Variants in CREB3L1 observed in about 807,000 individuals in gnomAD.
The protein encoded by CREB3L1 is cAMP responsive element binding protein 3 like 1.
CREB3L1 carries 33 observed loss-of-function variants against 54.5 expected under a neutral mutation model. That is an observed-to-expected ratio of 0.61 (90% CI 0.46 to 0.81). The LOEUF (loss-of-function observed/expected upper bound fraction) is 0.81. CREB3L1 is among the 30% of genes least tolerant of loss of function. The probability of loss-of-function intolerance (pLI) is 0.00; values close to 1 mark genes in which losing one functional copy is unlikely to be tolerated. For missense variants in CREB3L1, 656 were observed against 673.3 expected (o/e 0.97, Z 0.29); for synonymous variants, 284 against 286.4 (o/e 0.99, Z 0.08).
In CREB3L1 at chr11:46,295,805, G is replaced by T. The variant is rs957624021; in HGVS notation, c.103-4130G>T. Reference sequence around the variant, plus strand: ...CGGATCCTTCTCTAAAATTTAAAGGGCGGGCGGCTGAGGCCAGGCTCCAAG... The same window carrying T: ...CGGATCCTTCTCTAAAATTTAAAGGTCGGGCGGCTGAGGCCAGGCTCCAAG... On this transcript the variant is annotated intron_variant, in intron 1 of 11. Coordinates refer to ENST00000621158, the MANE Select transcript of CREB3L1 (RefSeq NM_052854.4). This position sits in a 1 kb window ranked among gnomAD's most constrained non-coding sequence, Gnocchi z 4.6. Among the ~76,000 whole-genome samples, 2 of 152,214 alleles carry T rather than the reference G, an allele frequency of 1.3e-5. No homozygotes were observed. The highest frequency in any genetic ancestry group is 2.9e-5 in the Non-Finnish European group (2 of 68,032).
At chr11:46,304,310 TA>T (rs1939345651) in intron 2 of CREB3L1, among the ~76,000 whole-genome samples, 1 of 151,982 alleles carries the variant, frequency 6.6e-6, no homozygotes, top group Non-Finnish European at 1.5e-5. Context: ...CCGTCTCTAC[TA>T]AAAATACAAA....
At chr11:46,306,775 C>CTT (rs796296141) in intron 2 of CREB3L1, among the ~76,000 whole-genome samples, 2,741 of 144,446 alleles carry the variant, frequency 0.019, 90 homozygotes, top group African/African-American at 0.065. Context: ...AACACTTACT[C>CTT]TTTTTTTTTT....
intron 3 of CREB3L1, 57 bp from the exon 4 acceptor site, chr11:46,309,932 G>C: frequency 7.1e-7 from 1 of 1,399,206 alleles, no homozygotes; most frequent in Non-Finnish European, 9.9e-7. Context: ...TGGGTAGATG[G>C]CATGGTGGGG....
intron 1 of CREB3L1, among the ~76,000 whole-genome samples, chr11:46,280,095 A>T: frequency 6.6e-6 from 1 of 152,168 alleles, no homozygotes; most frequent in East Asian, 1.9e-4. Flanking sequence ...TGGGCTGGGA[A>T]TCAGGAGATT....
At position 46,317,445 on chromosome 11, in the gene CREB3L1, G is replaced by T; in HGVS notation, c.1216G>T (p.Glu406Ter). The change falls in exon 10 of 12, where the codon GAA (glutamate) becomes TAA (stop). Residue 406 changes from glutamate to a stop codon, truncating the protein, a stop_gained. Coordinates refer to ENST00000621158, the MANE Select transcript of CREB3L1 (RefSeq NM_052854.4). LOFTEE classifies it high-confidence loss of function. ...EFSSGSQTVK[E>*]DPLAADGVYT... ...CTCCTCCGGCTCCCAGACTGTGAAGGAAGACCCCCTGGCCGCAGACGGCGT... is the reference window on the plus strand; with the variant it reads ...CTCCTCCGGCTCCCAGACTGTGAAGTAAGACCCCCTGGCCGCAGACGGCGT... 6.2e-7 allele frequency: 1 copy of T among 1,613,220 alleles called. No homozygotes were observed.
intron 1 of CREB3L1, among the ~76,000 whole-genome samples, chr11:46,292,458 A>C (rs1378115154): frequency 6.6e-6 from 1 of 152,144 alleles, no homozygotes; most frequent in African/African-American, 2.4e-5. Context: ...GCAGATTCAA[A>C]CGAGAATTGG....
At chr11:46,305,684 G>A (rs57400506) in intron 2 of CREB3L1, among the ~76,000 whole-genome samples, 17,157 of 108,074 alleles carry the variant, frequency 0.16, 1,376 homozygotes, top group Non-Finnish European at 0.17. Flanking sequence ...GTGTGTGTGT[G>A]TATATATGTG....
At chr11:46,314,660 C>T (rs1939538613) in intron 8 of CREB3L1, among the ~76,000 whole-genome samples, 1 of 151,752 alleles carries the variant, frequency 6.6e-6, no homozygotes, top group Admixed American at 6.6e-5. Context: ...TAGGTGTGAT[C>T]CACTGCACCT....
chr11:46,306,112 T>C (rs1318476797), intron 2 of CREB3L1, among the ~76,000 whole-genome samples: 1 of 152,082 alleles, frequency 6.6e-6, no homozygotes, highest in Non-Finnish European at 1.5e-5. Context: ...GGTCTGATCA[T>C]AGTTCACTGC....
At chr11:46,299,899 T>G in intron 1 of CREB3L1, 36 bp from the exon 2 acceptor site, 1 of 1,538,860 alleles carries the variant, frequency 6.5e-7, no homozygotes, top group Non-Finnish European at 9.0e-7. Context: ...CAAGCAAAGC[T>G]GAATTCCCTC....
rs1939512224 is a variant in CREB3L1, at chr11:46,312,863, T to A, written c.975T>A (p.Phe325Leu). 6.3e-7 allele frequency: 1 copy of A among 1,592,652 alleles called. No individual in the cohort carries two copies. The highest frequency in any genetic ancestry group is 1.3e-5 in the African/African-American group (1 of 74,516). The change falls in exon 8 of 12, where the codon TTT (phenylalanine) becomes TTA (leucine). Residue 325 changes from phenylalanine (F) to leucine (L), a missense_variant. Physicochemically the swap from Phe to Leu is conservative, Grantham distance 22. Around this residue, in one of 3 missense-constraint regions of CREB3L1, gnomAD observed 77 missense variants for 122.0 expected, o/e 0.63. Transcript: ENST00000621158. The stretch of plus-strand genomic sequence containing the variant: ...TTGGCCCCTACAGGGTGGAGACATT[T>A]ACATCTGAGAACAATGAACTGTGGA... ...VECLEKKVET[F>L]TSENNELWKK...
chr11:46,304,890 G>A (rs1306209849), intron 2 of CREB3L1, among the ~76,000 whole-genome samples: 1 of 152,178 alleles, frequency 6.6e-6, no homozygotes, highest in East Asian at 1.9e-4. Flanking sequence ...TTGTCTGTGG[G>A]CCCTTTGCAG....
chr11:46,312,757 G>C (rs1470868252), intron 7 of CREB3L1, 87 bp downstream of exon 7: 1 of 1,552,000 alleles, frequency 6.4e-7, no homozygotes, highest in Non-Finnish European at 8.7e-7. Flanking sequence ...GCAGAGGCAG[G>C]GGGCACAGGG....
In CREB3L1 at chr11:46,278,266, G is replaced by T; in HGVS notation, c.102+53G>T. 2 of 1,243,784 alleles carry T rather than the reference G, an allele frequency of 1.6e-6. No individual in the cohort carries two copies. The highest frequency in any genetic ancestry group is 2.3e-6 in the Non-Finnish European group (2 of 885,200). 77.0% of individuals were successfully genotyped at this position (1,243,784 alleles called of 1,614,324 possible). ...CCACCCCTCGGCACCCGTCCTCGCG[G>T]CGCGCCTGGGCCCCTAGAAGGACCC... is the stretch of plus-strand genomic sequence containing the variant. On this transcript the variant is annotated intron_variant, in intron 1 of 11. Coordinates refer to ENST00000621158, the MANE Select transcript of CREB3L1 (RefSeq NM_052854.4). The surrounding 1 kb of genome is among the most constrained non-coding windows in gnomAD (Gnocchi z 4.2).
At chr11:46,291,121 G>T (rs1046336740) in intron 1 of CREB3L1, among the ~76,000 whole-genome samples, 1 of 152,284 alleles carries the variant, frequency 6.6e-6, no homozygotes, top group South Asian at 2.1e-4. Context: ...TTGCCCATCC[G>T]ACTGACTCAA....
At chr11:46,281,283 T>A (rs78788490) in intron 1 of CREB3L1, among the ~76,000 whole-genome samples, 2 of 152,118 alleles carry the variant, frequency 1.3e-5, no homozygotes, top group Non-Finnish European at 2.9e-5. Context: ...TTGGCCAGTA[T>A]GAGAGAGAGG....
intron 1 of CREB3L1, among the ~76,000 whole-genome samples, chr11:46,285,851 T>A (rs907427201): frequency 6.6e-6 from 1 of 152,142 alleles, no homozygotes; most frequent in Non-Finnish European, 1.5e-5. Context: ...AAAATGAAAG[T>A]AGCGATGGAG....
intron 2 of CREB3L1, among the ~76,000 whole-genome samples, chr11:46,305,590 A>C (rs1047763435): frequency 6.7e-6 from 1 of 148,300 alleles, no homozygotes; most frequent in Non-Finnish European, 1.5e-5. Context: ...ATATATGTAT[A>C]TATACACACA....
chr11:46,290,258 G>C (rs1487069287), intron 1 of CREB3L1, among the ~76,000 whole-genome samples: 1 of 152,096 alleles, frequency 6.6e-6, no homozygotes, highest in Non-Finnish European at 1.5e-5. Flanking sequence ...CCAACACCAG[G>C]ACCCTAACAA....
Sources: allele counts gnomAD v4.1 joint callset (sites outside exome capture counted in the v4.1 genomes callset), GRCh38; gene constraint gnomAD v4.1.1; regional missense constraint gnomAD v4.1.1; non-coding constraint Gnocchi (gnomAD v3.1); transcripts MANE v1.5; gene names NCBI Gene and HGNC (gene_info 2026-07-23, HGNC 2026-07-21).